SYT11: variants seen among roughly 807,000 people sequenced by gnomAD.
The protein encoded by SYT11 is synaptotagmin-11.
Under a neutral mutation model 30.4 loss-of-function variants are expected in SYT11, and 12 were observed. That is an observed-to-expected ratio of 0.39 (90% confidence interval 0.25 to 0.64). The LOEUF (loss-of-function observed/expected upper bound fraction) is 0.64, where lower values mean the gene tolerates loss of function less well. Ranked by LOEUF, SYT11 falls within the 30% of genes least tolerant of loss-of-function variation. SYT11 has a pLI of 0.45. For missense variants in SYT11, 412 were observed against 552.0 expected, an observed-to-expected ratio of 0.75 and a Z score of 2.54; for synonymous variants, 204 against 216.0, an observed-to-expected ratio of 0.94 and a Z score of 0.49.
chr1:155,864,096 C>T (rs1672632586), intron 1 of SYT11, among the ~76,000 whole-genome samples: 2 of 151,370 alleles, frequency 1.3e-5, no homozygotes, highest in Non-Finnish European at 1.5e-5. Flanking sequence ...GCAAAAAATA[C>T]GAAAATTAGC....
In SYT11 at chr1:155,884,299, C is replaced by T. The variant is rs1044791551; in HGVS notation, c.*2791C>T. On this transcript the variant is annotated 3_prime_UTR_variant, in exon 4 of 4. Transcript: ENST00000368324. ...GCCTCACCCCACTCTCCTCTCTCTT[C>T]CCCATTTCCTTGTAGCTTTATTCCT... 6.5e-6 allele frequency: 1 copy of T among 153,048 alleles called. No individual in the cohort carries two copies. The highest frequency in any genetic ancestry group is 2.4e-5 in the African/African-American group (1 of 41,480). 9.5% of individuals were successfully genotyped at this position (153,048 alleles called of 1,614,324 possible). A position where few individuals can be genotyped will look rare whatever the true frequency, so the allele number is the denominator to read the frequency against.
chr1:155,880,398 T>C, intron 2 of SYT11, 102 bp from the exon 3 acceptor site: 1 of 1,442,038 alleles, frequency 6.9e-7, no homozygotes, highest in Non-Finnish European at 9.4e-7. Context: ...TTATCATCCC[T>C]GCACTTGTCC....
At chr1:155,865,672 C>G (rs1417049044) in intron 1 of SYT11, among the ~76,000 whole-genome samples, 1 of 151,432 alleles carries the variant, frequency 6.6e-6, no homozygotes, top group African/African-American at 2.4e-5. Context: ...CGGGGAAATG[C>G]TGGAATTATG....
chr1:155,881,157 T>C, intron 3 of SYT11, 41 bp from the exon 4 acceptor site: 1 of 1,579,700 alleles, frequency 6.3e-7, no homozygotes. Context: ...GACTGTGTCA[T>C]AGGTCTGTCT....
At chr1:155,866,105 CT>C (rs1398855617) in intron 1 of SYT11, among the ~76,000 whole-genome samples, 3 of 122,850 alleles carry the variant, frequency 2.4e-5, no homozygotes, top group African/African-American at 5.7e-5. Context: ...TTCTCTTTCT[CT>C]TTTTTTTTTC....
At chr1:155,866,965 CA>C (rs1052486605) in intron 1 of SYT11, among the ~76,000 whole-genome samples, 4 of 58,156 alleles carry the variant, frequency 6.9e-5, no homozygotes, top group African/African-American at 1.2e-4. Flanking sequence ...CATATATACA[CA>C]TACACACACA....
At chr1:155,874,503 G>A (rs1267287011) in intron 2 of SYT11, among the ~76,000 whole-genome samples, 1 of 139,024 alleles carries the variant, frequency 7.2e-6, no homozygotes, top group Non-Finnish European at 1.7e-5. Context: ...AGGATGCTGA[G>A]TTGGGAGGAT....
At position 155,866,967 on chromosome 1, in the gene SYT11, T is replaced by TACAC. The variant is rs60368180; in HGVS notation, c.35-976_35-973dup. 9.7e-4 allele frequency among the ~76,000 whole-genome samples: 142 copies of TACAC among 146,686 alleles called. 1 individual carries two copies. The highest frequency in any genetic ancestry group is 2.7e-3 in the African/African-American group (107 of 39,742). On this transcript the variant is annotated intron_variant, in intron 1 of 3. Transcript: ENST00000368324. ...ACACACACATATACATATATACACA[T>TACAC]ACACACACACACACACACACACACA...
intron 1 of SYT11, among the ~76,000 whole-genome samples, chr1:155,862,154 C>G (rs1672602924): frequency 6.6e-6 from 1 of 152,208 alleles, no homozygotes; most frequent in Admixed American, 6.5e-5. Context: ...TTTCACATCT[C>G]ATAGAGTACT....
chr1:155,873,710 A>G (rs1039452759), intron 2 of SYT11, among the ~76,000 whole-genome samples: 4 of 152,224 alleles, frequency 2.6e-5, no homozygotes, highest in African/African-American at 7.2e-5. Flanking sequence ...TACTAGCTAC[A>G]TGTCGCTATT....
At position 155,868,550 on chromosome 1, in the gene SYT11, G is replaced by A. The variant is rs773469168; in HGVS notation, c.620G>A (p.Arg207Gln). The A allele has an allele frequency of 1.1e-5, 18 of 1,614,126 alleles. No individual in the cohort carries two copies. The highest frequency in any genetic ancestry group is 2.2e-5 in the East Asian group (1 of 44,880). The change falls in exon 2 of 4, where the codon CGG becomes CAG. Residue 207 changes from arginine (R) to glutamine (Q), a missense_variant. Coordinates refer to ENST00000368324, the MANE Select transcript of SYT11 (RefSeq NM_152280.5). The surrounding 1 kb of genome is among the most constrained non-coding windows in gnomAD (Gnocchi z 4.7). Reference protein sequence around the residue: ...YIKMTILPDKRHRVKTRVLRK... With the variant: ...YIKMTILPDKQHRVKTRVLRK... ...AAAATGACCATCCTTCCTGACAAAC[G>A]GCATCGGGTGAAGACCAGAGTGCTG... is the stretch of plus-strand genomic sequence containing the variant.
chr1:155,861,376 C>T (rs1162747031), intron 1 of SYT11, among the ~76,000 whole-genome samples: 1 of 152,106 alleles, frequency 6.6e-6, no homozygotes, highest in Non-Finnish European at 1.5e-5. Context: ...AACTGCAGTT[C>T]CAGAATCCTT....
chr1:155,873,385 C>A (rs1048470990), intron 2 of SYT11, among the ~76,000 whole-genome samples: 12 of 152,132 alleles, frequency 7.9e-5, no homozygotes, highest in Non-Finnish European at 1.8e-4. Flanking sequence ...AAGATCACGC[C>A]ACTGCACTCC....
intron 2 of SYT11, among the ~76,000 whole-genome samples, chr1:155,873,674 A>G (rs909473293): frequency 3.3e-5 from 5 of 152,232 alleles, no homozygotes; most frequent in African/African-American, 4.8e-5. Context: ...GAAATGTTCT[A>G]TATTTGCACC....
chr1:155,859,768 G>A lies in SYT11; in HGVS notation c.7G>A (p.Glu3Lys). ...AACAGCCTCTGATTACGACATGGCT[G>A]AGATCACCAATATCCGACCTAGCTT... MA[E>K]ITNIRPSFDV... The change falls in exon 1 of 4, where the codon GAG becomes AAG. Residue 3 changes from glutamate to lysine, a missense_variant. Glu to Lys is a moderately conservative substitution (Grantham distance 56). Coordinates refer to ENST00000368324, the MANE Select transcript of SYT11 (RefSeq NM_152280.5). 6.2e-7 allele frequency: 1 copy of A among 1,614,200 alleles called. No homozygotes were observed. The highest frequency in any genetic ancestry group is 8.5e-7 in the Non-Finnish European group (1 of 1,179,998).
At chr1:155,872,094 A>G (rs911213107) in intron 2 of SYT11, among the ~76,000 whole-genome samples, 11 of 152,100 alleles carry the variant, frequency 7.2e-5, no homozygotes, top group African/African-American at 9.7e-5. Flanking sequence ...AAAAATAAAA[A>G]ATAAAAAAAT....
At chr1:155,859,863 G>A in intron 1 of SYT11, 68 bp downstream of exon 1, 1 of 1,472,916 alleles carries the variant, frequency 6.8e-7, no homozygotes, top group East Asian at 2.3e-5. Context: ...GGGCCCAGCG[G>A]CAGGGCAGAG....
At chr1:155,866,742 G>A (rs1428012364) in intron 1 of SYT11, among the ~76,000 whole-genome samples, 1 of 151,906 alleles carries the variant, frequency 6.6e-6, no homozygotes, top group African/African-American at 2.4e-5. Context: ...AAATAGGTGA[G>A]TCAGGAAAGG....
Position 155,868,927 on chromosome 1 carries a change from T to C in SYT11, c.861+136T>C, listed in dbSNP as rs1054854389. On this transcript the variant is annotated intron_variant, in intron 2 of 3. Transcript: ENST00000368324. This position sits in a 1 kb window ranked among gnomAD's most constrained non-coding sequence, Gnocchi z 4.7. ...AGAGGAAGCTCTTGGATGTCAAGGATAAGCAGTGGTCAGAGTAAGACAGAG... is the reference window on the plus strand; with the variant it reads ...AGAGGAAGCTCTTGGATGTCAAGGACAAGCAGTGGTCAGAGTAAGACAGAG... 2 of 851,300 alleles carry C rather than the reference T, an allele frequency of 2.3e-6. No individual in the cohort carries two copies. Among genetic ancestry groups the C allele is most frequent in the South Asian group, 3.5e-5 (2 of 56,526 alleles). The allele number at this position is 851,300 out of a possible 1,614,324, so 52.7% of individuals were successfully genotyped here.
Sources: gnomAD v4.1 joint callset for allele counts (sites outside exome capture counted in the v4.1 genomes callset) on GRCh38, gnomAD v4.1.1 for gene constraint, Gnocchi (gnomAD v3.1) non-coding constraint, MANE v1.5 for transcripts, NCBI Gene and HGNC (gene_info 2026-07-23, HGNC 2026-07-21) for gene names.